ACOT7: variants seen among roughly 807,000 people sequenced by gnomAD.
The protein encoded by ACOT7 is cytosolic acyl coenzyme A thioester hydrolase.
Under a neutral mutation model 40.2 loss-of-function variants are expected in ACOT7, and 12 were observed. The ratio of observed to expected loss-of-function variants is 0.30; its 90% confidence interval spans 0.19 to 0.48. The LOEUF (loss-of-function observed/expected upper bound fraction) is 0.48, where lower values mean the gene tolerates loss of function less well. Among genes scored for constraint, ACOT7 ranks in the 20% least tolerant of loss-of-function variants. The pLI is 0.99. For synonymous variants in ACOT7, 228 were observed against 219.5 expected (o/e 1.04, Z -0.34); for missense variants, 395 against 530.8 (o/e 0.74, Z 2.51).
At chr1:6,313,802 T>C (rs1640408998) in intron 6 of ACOT7, among the ~76,000 whole-genome samples, 1 of 149,504 alleles carries the variant, frequency 6.7e-6, no homozygotes, top group Non-Finnish European at 1.5e-5. Context: ...CACAGCTGCA[T>C]TGTTAGTTCA....
rs138545343 is a variant in ACOT7, at chr1:6,350,590, C to T, written c.144-724G>A. On this transcript the variant is annotated intron_variant, in intron 1 of 8. Transcript: ENST00000361521. Reference sequence around the variant, plus strand: ...CCAACAAGCCAGCTTGGCAGTCCTGCCAGGGCAAGTTGCCTGGCACCTTCC... The same window carrying T: ...CCAACAAGCCAGCTTGGCAGTCCTGTCAGGGCAAGTTGCCTGGCACCTTCC... 2.4e-3 allele frequency among the ~76,000 whole-genome samples: 362 copies of T among 152,390 alleles called. 3 individuals are homozygous for T. Among genetic ancestry groups the T allele is most frequent in the Admixed American group, 9.7e-3 (148 of 15,314 alleles).
intron 6 of ACOT7, among the ~76,000 whole-genome samples, chr1:6,305,151 G>A (rs1640099011): frequency 6.7e-6 from 1 of 149,062 alleles, no homozygotes; most frequent in South Asian, 2.1e-4. Context: ...GGGCGGCCGG[G>A]CAGAGGCGCC....
intron 1 of ACOT7, among the ~76,000 whole-genome samples, chr1:6,389,406 G>C (rs1162960708): frequency 1.3e-5 from 2 of 152,116 alleles, no homozygotes; most frequent in Non-Finnish European, 2.9e-5. Flanking sequence ...GCTGGCTACA[G>C]TCCCCAGAAA....
At chr1:6,321,924 G>A (rs1320947071) in intron 5 of ACOT7, among the ~76,000 whole-genome samples, 1 of 152,182 alleles carries the variant, frequency 6.6e-6, no homozygotes, top group East Asian at 1.9e-4. Context: ...CCCACTCCTC[G>A]TGGTATTGTG....
At chr1:6,285,218 A>C (rs1396211688) in intron 7 of ACOT7, among the ~76,000 whole-genome samples, 1 of 152,176 alleles carries the variant, frequency 6.6e-6, no homozygotes, top group African/African-American at 2.4e-5. Flanking sequence ...CACAGACTCA[A>C]GCTGGCCAGA....
chr1:6,335,015 G>A (rs544528105), intron 3 of ACOT7, among the ~76,000 whole-genome samples: 44 of 151,808 alleles, frequency 2.9e-4, no homozygotes, highest in East Asian at 1.7e-3. Context: ...GCGAAACCCC[G>A]TCTCTACCAA....
chr1:6,385,639 G>A (rs1642425363), intron 1 of ACOT7: 6 of 1,612,244 alleles, frequency 3.7e-6, no homozygotes, highest in Non-Finnish European at 5.1e-6. Context: ...AACTCACAGA[G>A]CCGGAGAGCC....
chr1:6,366,093 A>G (rs991370599), intron 1 of ACOT7, among the ~76,000 whole-genome samples: 1 of 151,842 alleles, frequency 6.6e-6, no homozygotes, highest in African/African-American at 2.4e-5. Flanking sequence ...ACAGGGTCTC[A>G]CTATGTTGGC....
chr1:6,344,991 G>A (rs1299884399), intron 2 of ACOT7, among the ~76,000 whole-genome samples: 4 of 152,212 alleles, frequency 2.6e-5, no homozygotes, highest in South Asian at 4.2e-4. Context: ...GCTGGTGGGC[G>A]GCTGCTTCCC....
chr1:6,318,762 G>GT (rs1640563234), intron 5 of ACOT7, among the ~76,000 whole-genome samples, 184 bp from the exon 6 acceptor site: 1 of 152,160 alleles, frequency 6.6e-6, no homozygotes, highest in African/African-American at 2.4e-5. Context: ...TGAAGGAGAG[G>GT]TTTTCAAGGA....
intron 1 of ACOT7, among the ~76,000 whole-genome samples, chr1:6,372,693 C>T (rs1434461424): frequency 6.6e-6 from 1 of 151,984 alleles, no homozygotes; most frequent in East Asian, 1.9e-4. Context: ...AGACTACAGG[C>T]GTATGTCAAC....
chr1:6,295,082 C>T, intron 6 of ACOT7, 102 bp from the exon 7 acceptor site: 2 of 874,372 alleles, frequency 2.3e-6, no homozygotes, highest in Non-Finnish European at 3.6e-6. Context: ...TCCCACTAGC[C>T]ACCAGCAAGG....
intron 6 of ACOT7, among the ~76,000 whole-genome samples, chr1:6,318,258 G>A (rs1331034657): frequency 3.9e-5 from 6 of 152,104 alleles, no homozygotes; most frequent in Non-Finnish European, 8.8e-5. Flanking sequence ...GTCTCCCTAT[G>A]TCGCCCAGGC....
chr1:6,303,416 T>A (rs1640024484), intron 6 of ACOT7, among the ~76,000 whole-genome samples: 1 of 152,166 alleles, frequency 6.6e-6, no homozygotes, highest in Admixed American at 6.5e-5. Context: ...CTTATAGGTT[T>A]TTGTTTTGTG....
chr1:6,280,756 G>T (rs140678803), intron 8 of ACOT7, among the ~76,000 whole-genome samples: 13 of 152,304 alleles, frequency 8.5e-5, no homozygotes, highest in African/African-American at 3.1e-4. Context: ...GAACACCAAG[G>T]CGCCACACTC....
chr1:6,372,969 G>A (rs890797737), intron 1 of ACOT7, among the ~76,000 whole-genome samples: 1 of 152,134 alleles, frequency 6.6e-6, no homozygotes, highest in African/African-American at 2.4e-5. Context: ...GGGAGCTCAC[G>A]AAAAGGGAGA....
rs777515045 is a variant in ACOT7 at position 6,306,814 on chromosome 1, A to G, written c.712+11678T>C. On this transcript the variant is annotated intron_variant, in intron 6 of 8. Transcript: ENST00000361521. The surrounding 1 kb of genome is among the most constrained non-coding windows in gnomAD (Gnocchi z 4.3). ...ACGTAGCAGTGGGGGCTCCGGCCAA[A>G]CAAGGTCACGGAATTGGAAAAGAGT... The G allele has an allele frequency of 5.8e-5, 75 of 1,288,924 alleles. 2 individuals carry two copies. The South Asian group carries it at 9.1e-4, about 16-fold the overall frequency. The allele number at this position is 1,288,924 out of a possible 1,614,324, so 79.8% of individuals were successfully genotyped here.
intron 8 of ACOT7, among the ~76,000 whole-genome samples, chr1:6,277,966 G>A (rs1022932575): frequency 2.6e-5 from 4 of 152,266 alleles, no homozygotes; most frequent in Admixed American, 2.6e-4. Flanking sequence ...GAGGCACATA[G>A]AAAGTGCGTG....
rs1641724951 is a variant in ACOT7, at chr1:6,355,733, C to T, written c.144-5867G>A. On this transcript the variant is annotated intron_variant, in intron 1 of 8. Transcript: ENST00000361521. The surrounding 1 kb of genome is among the most constrained non-coding windows in gnomAD (Gnocchi z 5.0). ...AAGGCACAGCTCAAAACTCAGATCT[C>T]ATCACACCAGAGGCCGGCCAGCACT... 1.3e-5 allele frequency among the ~76,000 whole-genome samples: 2 copies of T among 152,238 alleles called. No homozygotes were observed.
Sources: allele counts gnomAD v4.1 joint callset (sites outside exome capture counted in the v4.1 genomes callset), GRCh38; gene constraint gnomAD v4.1.1; non-coding constraint Gnocchi (gnomAD v3.1); transcripts MANE v1.5; gene names NCBI Gene and HGNC (gene_info 2026-07-23, HGNC 2026-07-21).